Variants in MAPK10 observed in about 807,000 individuals in gnomAD.
MAPK10 encodes the protein JNK3 alpha protein kinase.
A neutral mutation model predicts 59.3 loss-of-function variants in MAPK10; 25 were observed. That is an observed-to-expected ratio of 0.42 (90% CI 0.31 to 0.59). The LOEUF is 0.59. Among genes scored for constraint, MAPK10 ranks in the 20% least tolerant of loss-of-function variants. The pLI, the probability that MAPK10 is intolerant of heterozygous loss-of-function variation, is 0.15. For missense variants in MAPK10, 351 were observed against 568.9 expected (o/e 0.62, Z 3.90); for synonymous variants, 190 against 200.5 (o/e 0.95, Z 0.44).
intron 1 of MAPK10, among the ~76,000 whole-genome samples, chr4:86,410,849 G>C (rs902267077): frequency 6.6e-6 from 1 of 151,936 alleles, no homozygotes; most frequent in Admixed American, 6.6e-5. Context: ...TCAAAATCCA[G>C]CTCCTGGATT....
At chr4:86,098,627 A>C (rs374654705) in intron 8 of MAPK10, 32 bp from the exon 9 acceptor site, 9 of 1,492,874 alleles carry the variant, frequency 6.0e-6, no homozygotes, top group Non-Finnish European at 8.4e-6. Flanking sequence ...AGTGAAGAAA[A>C]GGGAGGAAAG....
chr4:86,421,545 A>G (rs1445718831), intron 1 of MAPK10, among the ~76,000 whole-genome samples: 2 of 152,118 alleles, frequency 1.3e-5, no homozygotes, highest in Non-Finnish European at 2.9e-5. Context: ...GTAGCATCTG[A>G]GCTTGTATCT....
chr4:86,196,704 A>C (rs116221779), intron 2 of MAPK10, among the ~76,000 whole-genome samples: 12,909 of 152,202 alleles, frequency 0.085, 1,202 homozygotes, highest in African/African-American at 0.23. Flanking sequence ...TCTCATGTTT[A>C]AGTCGGTAAT....
intron 1 of MAPK10, among the ~76,000 whole-genome samples, chr4:86,431,161 A>C (rs1747996968): frequency 6.6e-6 from 1 of 152,216 alleles, no homozygotes; most frequent in South Asian, 2.1e-4. Context: ...GTTTCAAGTC[A>C]AATGACAATT....
intron 1 of MAPK10, among the ~76,000 whole-genome samples, chr4:86,464,121 TATAA>T (rs546854660): frequency 1.4e-4 from 21 of 152,256 alleles, no homozygotes; most frequent in Non-Finnish European, 2.8e-4. Flanking sequence ...AGCAAGCTTT[TATAA>T]ATAGTCTTAC....
At chr4:86,432,423 C>T (rs554390860) in intron 1 of MAPK10, among the ~76,000 whole-genome samples, 1 of 152,170 alleles carries the variant, frequency 6.6e-6, no homozygotes, top group East Asian at 1.9e-4. Flanking sequence ...TACAGGTGCA[C>T]ACCAGGACGC....
chr4:86,593,526 T>C (rs919365170), intron 1 of MAPK10, among the ~76,000 whole-genome samples: 1 of 152,252 alleles, frequency 6.6e-6, no homozygotes, highest in Non-Finnish European at 1.5e-5. Flanking sequence ...TCAGTGTATA[T>C]AGAAAAGTGG....
At chr4:86,288,247 A>G (rs1435126035) in intron 2 of MAPK10, among the ~76,000 whole-genome samples, 1 of 151,836 alleles carries the variant, frequency 6.6e-6, no homozygotes, top group African/African-American at 2.4e-5. Flanking sequence ...ATATGTATAC[A>G]TGTGCCATGC....
chr4:86,037,167 C>T (rs986249718), intron 11 of MAPK10, among the ~76,000 whole-genome samples: 2 of 152,132 alleles, frequency 1.3e-5, no homozygotes, highest in African/African-American at 4.8e-5. Context: ...GGAGTTCTTG[C>T]TGTTGGCCAT....
intron 4 of MAPK10, among the ~76,000 whole-genome samples, chr4:86,148,227 A>G (rs1417165216): frequency 1.3e-5 from 2 of 152,190 alleles, no homozygotes; most frequent in African/African-American, 4.8e-5. Flanking sequence ...GCAGTAGAAA[A>G]GGTGACTTGA....
chr4:86,480,406 T>C (rs1374434401), intron 1 of MAPK10, among the ~76,000 whole-genome samples: 1 of 151,948 alleles, frequency 6.6e-6, no homozygotes, highest in Non-Finnish European at 1.5e-5. Context: ...ACCCCACCCC[T>C]ATCTCTCTTC....
intron 2 of MAPK10, among the ~76,000 whole-genome samples, chr4:86,245,563 G>C (rs1480873270): frequency 6.6e-6 from 1 of 151,920 alleles, no homozygotes; most frequent in Admixed American, 6.6e-5. Context: ...CAAACTCCTG[G>C]GCTCAAGCCA....
chr4:86,087,158 A>T, intron 9 of MAPK10, among the ~76,000 whole-genome samples: 2 of 152,342 alleles, frequency 1.3e-5, no homozygotes, highest in South Asian at 4.1e-4. Flanking sequence ...GTTAAATTGT[A>T]TTTGGTAATT....
chr4:86,153,518 CA>C (rs2066963056), intron 4 of MAPK10, among the ~76,000 whole-genome samples: 1 of 152,084 alleles, frequency 6.6e-6, no homozygotes, highest in Non-Finnish European at 1.5e-5. Context: ...CATTAGTTAT[CA>C]CATCAACAAT....
intron 1 of MAPK10, among the ~76,000 whole-genome samples, chr4:86,482,981 A>G (rs1212304947): frequency 6.6e-6 from 1 of 152,184 alleles, no homozygotes; most frequent in Non-Finnish European, 1.5e-5. Flanking sequence ...CAGAGAGAGA[A>G]AGAATTGCAG....
intron 2 of MAPK10, among the ~76,000 whole-genome samples, chr4:86,324,324 T>A (rs1048808254): frequency 1.6e-4 from 25 of 151,988 alleles, no homozygotes; most frequent in Middle Eastern, 3.4e-3. Flanking sequence ...GGCAGGAGAA[T>A]CATTTGAACC....
At chr4:86,314,823 T>C (rs1439320740) in intron 2 of MAPK10, among the ~76,000 whole-genome samples, 2 of 152,104 alleles carry the variant, frequency 1.3e-5, no homozygotes, top group Non-Finnish European at 2.9e-5. Flanking sequence ...TTGATATGCA[T>C]AACAAACTTA....
chr4:86,405,322 TATAATA>T (rs1357710601), intron 1 of MAPK10, among the ~76,000 whole-genome samples: 1 of 152,218 alleles, frequency 6.6e-6, no homozygotes. Context: ...TATAATATGC[TATAATA>T]ATGAGTGCTG....
chr4:86,209,981 A>G lies in MAPK10; in HGVS notation c.-6-15574T>C, dbSNP rs560386218. On this transcript the variant is annotated intron_variant, in intron 2 of 13. Coordinates refer to ENST00000641462, the MANE Select transcript of MAPK10 (RefSeq NM_138982.4). ...CCCACAAACAAATCCATACATCTAC[A>G]GTGAACTCATTTTCAACAAAGCTGC... Among the ~76,000 whole-genome samples the G allele has an allele frequency of 1.2e-4, 19 of 152,258 alleles. No individual in the cohort carries two copies. In the South Asian group the frequency reaches 3.9e-3, roughly 32 times the overall value.
Sources: allele counts gnomAD v4.1 joint callset (sites outside exome capture counted in the v4.1 genomes callset), GRCh38; gene constraint gnomAD v4.1.1; transcripts MANE v1.5; gene names NCBI Gene and HGNC (gene_info 2026-07-23, HGNC 2026-07-21).